The following QTMAN variants were observed in gnomAD, a reference collection of about 807,000 sequenced individuals.
QTMAN encodes the protein queuosine-tRNA mannosyltransferase, also known as tRNA-queuosine alpha-mannosyltransferase.
chr2:144,239,163 AAAAGAAAAG>A, the QTMAN span, among the ~76,000 whole-genome samples: 122 of 151,730 alleles, frequency 8.0e-4, no homozygotes, highest in African/African-American at 2.8e-3. Flanking sequence ...ACTGTTAAAA[AAAAGAAAAG>A]AAAAAAAAGA....
At chr2:144,007,098 G>T in the QTMAN span, 1 of 830,914 alleles carries the variant, frequency 1.2e-6, no homozygotes, top group Non-Finnish European at 1.9e-6. Flanking sequence ...GCAATAAGAA[G>T]AACAAATTAT....
At chr2:144,173,813 C>T in the QTMAN span, among the ~76,000 whole-genome samples, 2 of 152,158 alleles carry the variant, frequency 1.3e-5, no homozygotes, top group Non-Finnish European at 1.5e-5. Flanking sequence ...CACCAAGCTA[C>T]TCGCATGGGA....
At chr2:144,049,777 T>C in the QTMAN span, among the ~76,000 whole-genome samples, 1 of 152,184 alleles carries the variant, frequency 6.6e-6, no homozygotes, top group Non-Finnish European at 1.5e-5. Context: ...AGCAGCCTAA[T>C]AATGTCTCAT....
the QTMAN span, among the ~76,000 whole-genome samples, chr2:144,078,236 A>G: frequency 6.6e-6 from 1 of 152,348 alleles, no homozygotes; most frequent in East Asian, 1.9e-4. Context: ...ACCTAGATCC[A>G]TATTTCCCAG....
chr2:143,964,935 C>T, the QTMAN span, among the ~76,000 whole-genome samples: 6 of 152,228 alleles, frequency 3.9e-5, no homozygotes, highest in African/African-American at 1.2e-4. Context: ...GAAAGAAGAA[C>T]GCTTGTTTAA....
chr2:143,972,241 C>T, the QTMAN span, among the ~76,000 whole-genome samples: 1 of 152,046 alleles, frequency 6.6e-6, no homozygotes, highest in African/African-American at 2.4e-5. Flanking sequence ...CAAATAGCTG[C>T]CACCTAATCT....
At chr2:144,099,781 T>A in the QTMAN span, among the ~76,000 whole-genome samples, 1 of 152,226 alleles carries the variant, frequency 6.6e-6, no homozygotes, top group Non-Finnish European at 1.5e-5. Context: ...CTGCATCTTA[T>A]GATTCTTCAA....
chr2:144,082,001 C>A, the QTMAN span, among the ~76,000 whole-genome samples: 11 of 152,218 alleles, frequency 7.2e-5, no homozygotes, highest in East Asian at 1.9e-3. Context: ...GATTCTCCCA[C>A]CTCAGCCTCC....
the QTMAN span, among the ~76,000 whole-genome samples, chr2:144,221,047 G>A: frequency 3.9e-5 from 6 of 152,146 alleles, no homozygotes; most frequent in African/African-American, 1.2e-4. Flanking sequence ...GAGAACAACA[G>A]GTGATAGTGA....
At chr2:144,300,698 G>A in the QTMAN span, among the ~76,000 whole-genome samples, 1 of 152,122 alleles carries the variant, frequency 6.6e-6, no homozygotes, top group African/African-American at 2.4e-5. Flanking sequence ...TCAAAGATAT[G>A]TGCCAATCCA....
the QTMAN span, among the ~76,000 whole-genome samples, chr2:143,954,513 T>C: frequency 5.3e-5 from 8 of 152,060 alleles, no homozygotes; most frequent in Non-Finnish European, 2.9e-5. Context: ...TACAGTAAGA[T>C]AGAAATGGCA....
the QTMAN span, among the ~76,000 whole-genome samples, chr2:144,179,968 T>C: frequency 6.6e-6 from 1 of 152,328 alleles, no homozygotes; most frequent in East Asian, 1.9e-4. Context: ...TGTATCCCTA[T>C]GTTTCTTTGG....
the QTMAN span, among the ~76,000 whole-genome samples, chr2:144,048,061 C>T: frequency 6.6e-6 from 1 of 152,164 alleles, no homozygotes; most frequent in African/African-American, 2.4e-5. Context: ...TCTGTTTTAA[C>T]AGAGTGAAGA....
At chr2:144,075,234 T>C in the QTMAN span, among the ~76,000 whole-genome samples, 1 of 152,284 alleles carries the variant, frequency 6.6e-6, no homozygotes, top group Non-Finnish European at 1.5e-5. Context: ...GTGTACATAT[T>C]AGGAGAAATC....
chr2:144,207,312 G>A, the QTMAN span, among the ~76,000 whole-genome samples: 1 of 152,086 alleles, frequency 6.6e-6, no homozygotes, highest in East Asian at 1.9e-4. Context: ...TCTCAGAGAC[G>A]ATACATAATT....
chr2:144,330,289 G>A, the QTMAN span, among the ~76,000 whole-genome samples: 1 of 152,122 alleles, frequency 6.6e-6, no homozygotes, highest in Non-Finnish European at 1.5e-5. Context: ...TGCTGAACAG[G>A]GATGTAGCCC....
the QTMAN span, among the ~76,000 whole-genome samples, chr2:144,133,161 A>T: frequency 1.5e-5 from 1 of 67,906 alleles, no homozygotes; most frequent in African/African-American, 7.6e-5. Context: ...AATATAATAT[A>T]ATATATATAT....
chr2:144,081,689 C>T, the QTMAN span, among the ~76,000 whole-genome samples: 18 of 152,106 alleles, frequency 1.2e-4, no homozygotes, highest in African/African-American at 3.1e-4. Context: ...GGAAGACCTG[C>T]GGGGAACAGG....
At chr2:144,231,337 G>C in the QTMAN span, among the ~76,000 whole-genome samples, 1 of 151,954 alleles carries the variant, frequency 6.6e-6, no homozygotes, top group Non-Finnish European at 1.5e-5. Flanking sequence ...TGAAGTACTA[G>C]TTATAATTAT....
Sources: gnomAD v4.1 joint callset for allele counts (sites outside exome capture counted in the v4.1 genomes callset) on GRCh38, gnomAD v4.1.1 for gene constraint, MANE v1.5 for transcripts, NCBI Gene and HGNC (gene_info 2026-07-23, HGNC 2026-07-21) for gene names.